The following ATE1 variants were observed in gnomAD, a reference collection of about 807,000 sequenced individuals.
The protein encoded by ATE1 is arginyltransferase 1.
ATE1 carries 36 observed loss-of-function variants against 70.5 expected under a neutral mutation model. The ratio of observed to expected loss-of-function variants is 0.51; its 90% CI spans 0.39 to 0.67. The LOEUF is 0.67. Among genes scored for constraint, ATE1 ranks in the 30% least tolerant of loss-of-function variants. The pLI, the probability that ATE1 is intolerant of heterozygous loss-of-function variation, is 0.00. For synonymous variants in ATE1, 232 were observed against 219.3 expected, an observed-to-expected ratio of 1.06 and a Z score of -0.51; for missense variants, 593 against 629.5, an observed-to-expected ratio of 0.94 and a Z score of 0.62.
At chr10:121,891,092 T>C (rs1950562994) in intron 7 of ATE1, among the ~76,000 whole-genome samples, 1 of 152,194 alleles carries the variant, frequency 6.6e-6, no homozygotes, top group Non-Finnish European at 1.5e-5. Context: ...GCAGAAAGTT[T>C]AGCAGACAAA....
intron 10 of ATE1, among the ~76,000 whole-genome samples, chr10:121,825,886 G>A (rs564911987): frequency 6.6e-6 from 1 of 152,318 alleles, no homozygotes; most frequent in South Asian, 2.1e-4. Context: ...TGTGTCCATA[G>A]CAGCATTATT....
chr10:121,904,408 G>A (rs372430086), intron 5 of ATE1, among the ~76,000 whole-genome samples: 66 of 151,432 alleles, frequency 4.4e-4, no homozygotes, highest in Non-Finnish European at 6.5e-4. Context: ...TTGGGAGGCC[G>A]AGGCAGGCAG....
At chr10:121,918,290 G>A (rs10887021) in intron 3 of ATE1, among the ~76,000 whole-genome samples, 39,750 of 149,956 alleles carry the variant, frequency 0.27, 6,383 homozygotes, top group South Asian at 0.43. Flanking sequence ...CAGAGATCGC[G>A]CCACTGCACT....
intron 11 of ATE1, among the ~76,000 whole-genome samples, chr10:121,765,504 A>G (rs1945243419): frequency 1.3e-5 from 2 of 152,220 alleles, no homozygotes; most frequent in East Asian, 1.9e-4. Context: ...AATGATGTGG[A>G]AAAAATCCGC....
chr10:121,808,444 G>A (rs939387110), intron 10 of ATE1, among the ~76,000 whole-genome samples: 1 of 152,168 alleles, frequency 6.6e-6, no homozygotes, highest in African/African-American at 2.4e-5. Context: ...CAGGATCGAG[G>A]AGGACTGGAA....
At chr10:121,923,335 C>T (rs1032037758) in intron 2 of ATE1, among the ~76,000 whole-genome samples, 2 of 152,156 alleles carry the variant, frequency 1.3e-5, no homozygotes, top group African/African-American at 4.8e-5. Flanking sequence ...TGTTGTGATG[C>T]ACACCTGTAG....
chr10:121,836,711 A>T lies in ATE1; in HGVS notation c.1257+7T>A. 1.4e-6 allele frequency: 2 copies of T among 1,472,586 alleles called. No individual in the cohort carries two copies. The highest frequency in any genetic ancestry group is 2.3e-5 in the East Asian group (1 of 42,660). 91.2% of individuals were successfully genotyped at this position (1,472,586 alleles called of 1,614,324 possible). A position where few individuals can be genotyped will look rare whatever the true frequency, so the allele number is the denominator to read the frequency against. ...TAAAAATACACATATGTGAAAATCAACTTTACCTTATATTTCATCTTGGGA... is the reference window on the plus strand; with the variant it reads ...TAAAAATACACATATGTGAAAATCATCTTTACCTTATATTTCATCTTGGGA... On this transcript the variant is annotated splice_region_variant and intron_variant, in intron 10 of 11. Coordinates refer to ENST00000224652, the MANE Select transcript of ATE1 (RefSeq NM_001001976.3).
At chr10:121,924,982 A>G (rs1258195452) in intron 1 of ATE1, among the ~76,000 whole-genome samples, 1 of 152,218 alleles carries the variant, frequency 6.6e-6, no homozygotes, top group African/African-American at 2.4e-5. Flanking sequence ...ATGATTTAAC[A>G]TGCTGGTCTC....
At chr10:121,748,226 ATG>A (rs1944442660) in intron 11 of ATE1, among the ~76,000 whole-genome samples, 1 of 152,210 alleles carries the variant, frequency 6.6e-6, no homozygotes, top group South Asian at 2.1e-4. Flanking sequence ...GCAAATAAGA[ATG>A]TGAGATCTGA....
chr10:121,896,551 G>T (rs575568975), intron 7 of ATE1, among the ~76,000 whole-genome samples: 10 of 152,240 alleles, frequency 6.6e-5, no homozygotes, highest in African/African-American at 2.4e-4. Flanking sequence ...GTCCACACCT[G>T]TAATCCCAGC....
At chr10:121,896,805 C>A in intron 7 of ATE1, among the ~76,000 whole-genome samples, 1 of 100,788 alleles carries the variant, frequency 9.9e-6, no homozygotes, top group South Asian at 3.4e-4. Flanking sequence ...GCCTGGGAGA[C>A]AGAGCAAGAC....
chr10:121,878,505 A>G (rs571461162), intron 7 of ATE1, among the ~76,000 whole-genome samples: 1 of 151,744 alleles, frequency 6.6e-6, no homozygotes, highest in Admixed American at 6.6e-5. Flanking sequence ...AAGTACGAGA[A>G]TTGCCTGAAC....
intron 7 of ATE1, among the ~76,000 whole-genome samples, chr10:121,895,123 A>G (rs1295768986): frequency 6.6e-6 from 1 of 152,142 alleles, no homozygotes; most frequent in Admixed American, 6.5e-5. Flanking sequence ...GCCCTCATAC[A>G]CTTCCGGTGG....
At chr10:121,746,568 A>T (rs1443423041) in intron 11 of ATE1, among the ~76,000 whole-genome samples, 1 of 152,136 alleles carries the variant, frequency 6.6e-6, no homozygotes, top group Non-Finnish European at 1.5e-5. Context: ...GTTTTAGGAG[A>T]TTTCTTAGTC....
chr10:121,820,158 T>C (rs908146638), intron 10 of ATE1, among the ~76,000 whole-genome samples: 1 of 150,696 alleles, frequency 6.6e-6, no homozygotes, highest in Non-Finnish European at 1.5e-5. Flanking sequence ...TAAACAAAAA[T>C]AAATAAATAA....
chr10:121,868,851 C>A (rs184899118), intron 8 of ATE1, among the ~76,000 whole-genome samples: 2 of 152,146 alleles, frequency 1.3e-5, no homozygotes, highest in African/African-American at 4.8e-5. Context: ...GGCTACCACA[C>A]GTTTTCAATG....
At chr10:121,803,245 C>T (rs1278384916) in intron 10 of ATE1, among the ~76,000 whole-genome samples, 1 of 152,170 alleles carries the variant, frequency 6.6e-6, no homozygotes, top group Non-Finnish European at 1.5e-5. Flanking sequence ...TCAATAAATA[C>T]TTATTCAGTT....
At chr10:121,761,044 C>T (rs2135785594) in intron 11 of ATE1, among the ~76,000 whole-genome samples, 1 of 152,208 alleles carries the variant, frequency 6.6e-6, no homozygotes, top group East Asian at 1.9e-4. Context: ...TCTATTAGTT[C>T]CCACAAGAGC....
intron 8 of ATE1, among the ~76,000 whole-genome samples, chr10:121,869,062 G>A (rs1381115783): frequency 2.0e-5 from 3 of 152,194 alleles, no homozygotes; most frequent in Non-Finnish European, 4.4e-5. Context: ...GCAAGGCAAG[G>A]AACAGAGTCT....
Sources: allele counts gnomAD v4.1 joint callset (sites outside exome capture counted in the v4.1 genomes callset), GRCh38; gene constraint gnomAD v4.1.1; transcripts MANE v1.5; gene names NCBI Gene and HGNC (gene_info 2026-07-23, HGNC 2026-07-21).